The following DOP1B variants were observed in gnomAD, a reference collection of about 807,000 sequenced individuals.
DOP1B encodes the protein protein DOP1B.
Under a neutral mutation model 233.5 loss-of-function variants are expected in DOP1B, and 174 were observed. That is an observed-to-expected ratio of 0.75 (90% CI 0.66 to 0.85). The LOEUF is 0.85. Ranked by LOEUF, DOP1B falls within the 40% of genes least tolerant of loss-of-function variation. The probability of loss-of-function intolerance (pLI) is 0.00; values close to 1 mark genes in which losing one functional copy is unlikely to be tolerated. For synonymous variants in DOP1B, 1,190 were observed against 1,185.6 expected (o/e 1.00, Z -0.08); for missense variants, 2,652 against 2,846.6 (o/e 0.93, Z 1.56).
At chr21:36,167,739 C>G (rs1303461336) in intron 2 of DOP1B, among the ~76,000 whole-genome samples, 1 of 150,024 alleles carries the variant, frequency 6.7e-6, no homozygotes, top group African/African-American at 2.5e-5. Context: ...AACCACGAAT[C>G]TACTTTCCCT....
At chr21:36,166,623 C>G (rs948583568) in intron 2 of DOP1B, among the ~76,000 whole-genome samples, 1 of 152,150 alleles carries the variant, frequency 6.6e-6, no homozygotes, top group Non-Finnish European at 1.5e-5. Flanking sequence ...TAGATGATAT[C>G]TGGGCTTAGA....
At chr21:36,250,884 G>A (rs2298449) in intron 21 of DOP1B, among the ~76,000 whole-genome samples, 12,946 of 152,138 alleles carry the variant, frequency 0.085, 961 homozygotes, top group East Asian at 0.23. Flanking sequence ...GATGCTCCTG[G>A]CCAATCGAGC....
At chr21:36,161,293 C>T (rs1201353599) in intron 1 of DOP1B, among the ~76,000 whole-genome samples, 1 of 152,062 alleles carries the variant, frequency 6.6e-6, no homozygotes, top group African/African-American at 2.4e-5. Context: ...TTACAGCCAC[C>T]ATGCCCAGCT....
At chr21:36,225,360 G>C (rs2066670107) in intron 11 of DOP1B, among the ~76,000 whole-genome samples, 1 of 151,922 alleles carries the variant, frequency 6.6e-6, no homozygotes, top group South Asian at 2.1e-4. Flanking sequence ...CTCCCAAGTA[G>C]CTAGGACTAC....
At chr21:36,292,254 TTC>T (rs2067568269) in intron 36 of DOP1B, 21 bp downstream of exon 36, 2 of 1,514,138 alleles carry the variant, frequency 1.3e-6, no homozygotes, top group East Asian at 4.6e-5. Context: ...TTCTTTTCTT[TTC>T]TTTTTTTTTT....
chr21:36,270,531 C>T (rs566999908), intron 27 of DOP1B, among the ~76,000 whole-genome samples: 5 of 100,672 alleles, frequency 5.0e-5, no homozygotes, highest in East Asian at 5.9e-4. Flanking sequence ...CCAGCCCAGG[C>T]GACAAAGCAA....
At chr21:36,169,191 CAG>C in intron 2 of DOP1B, 1 of 1,039,932 alleles carries the variant, frequency 9.6e-7, no homozygotes, top group Non-Finnish European at 1.5e-6. Context: ...TTCAGCATAA[CAG>C]AGTTATTGGT....
At chr21:36,160,106 G>GC in intron 1 of DOP1B, among the ~76,000 whole-genome samples, 1 of 151,390 alleles carries the variant, frequency 6.6e-6, no homozygotes, top group East Asian at 1.9e-4. Context: ...GAGATGCTGG[G>GC]TTTCAGAACT....
chr21:36,190,803 A>G (rs573157890), intron 2 of DOP1B, among the ~76,000 whole-genome samples: 74 of 152,342 alleles, frequency 4.9e-4, no homozygotes, highest in African/African-American at 1.7e-3. Context: ...GTTTCTGGAT[A>G]GTGAAACTGT....
chr21:36,215,842 A>G (rs2123505027), intron 9 of DOP1B, among the ~76,000 whole-genome samples: 1 of 129,988 alleles, frequency 7.7e-6, no homozygotes, highest in South Asian at 2.7e-4. Flanking sequence ...GTGAAACCCC[A>G]TCTCTACTAA....
chr21:36,271,936 C>CTTT (rs34465846), intron 27 of DOP1B, among the ~76,000 whole-genome samples: 11 of 134,586 alleles, frequency 8.2e-5, no homozygotes, highest in African/African-American at 2.2e-4. Flanking sequence ...ACAAATGATC[C>CTTT]TTTTTTTTTT....
intron 23 of DOP1B, among the ~76,000 whole-genome samples, chr21:36,260,256 A>G (rs62232373): frequency 0.44 from 58,206 of 133,072 alleles, 12,018 homozygotes; most frequent in African/African-American, 0.46. Context: ...GGGAGGGAGG[A>G]AGGAAGGAAG....
At chr21:36,241,313 G>T (rs1225554006) in intron 18 of DOP1B, among the ~76,000 whole-genome samples, 1 of 151,400 alleles carries the variant, frequency 6.6e-6, no homozygotes, top group African/African-American at 2.4e-5. Context: ...AGAAAGAAAA[G>T]AAGAACAAGT....
chr21:36,271,684 TG>T lies in DOP1B; in HGVS notation c.5632+1528del, dbSNP rs141329671. Among the ~76,000 whole-genome samples, 21 of 152,190 alleles carry T rather than the reference TG, an allele frequency of 1.4e-4. No homozygotes were observed. The East Asian group carries it at 3.7e-3, about 27-fold the overall frequency. On this transcript the variant is annotated intron_variant, in intron 27 of 36. Transcript: ENST00000691173. ...GGACCCCTTAGCTGGTGTCCCACCA[TG>T]TGTATGCCATCCTGCTGACCTTCAC...
rs772867522 is a variant in DOP1B at position 36,164,695 on chromosome 21, G to T, written c.-26-13G>T. 3.0e-5 allele frequency: 46 copies of T among 1,523,688 alleles called. No homozygotes were observed. The highest frequency in any genetic ancestry group is 4.3e-5 in the African/African-American group (3 of 70,348). 94.4% of individuals were successfully genotyped at this position (1,523,688 alleles called of 1,614,324 possible). A position where few individuals can be genotyped will look rare whatever the true frequency, so the allele number is the denominator to read the frequency against. On this transcript the variant is annotated splice_polypyrimidine_tract_variant and intron_variant, in intron 1 of 36. Transcript: ENST00000691173. ...TGGCTCTCTCATTTGGTTATTTTTT[G>T]ATTTGCTTTTAGATACTTTTCTGCT...
At chr21:36,287,246 ATC>A (rs1269814943) in intron 32 of DOP1B, among the ~76,000 whole-genome samples, 3 of 152,152 alleles carry the variant, frequency 2.0e-5, no homozygotes, top group Non-Finnish European at 4.4e-5. Flanking sequence ...TACTCAGTAA[ATC>A]TGTTATATTT....
chr21:36,212,215 T>G, intron 7 of DOP1B, 118 bp downstream of exon 7: 1 of 1,220,256 alleles, frequency 8.2e-7, no homozygotes, highest in East Asian at 2.8e-5. Context: ...TATGGAAAGA[T>G]ACCACAATGA....
chr21:36,210,738 G>A (rs186738977), intron 5 of DOP1B, among the ~76,000 whole-genome samples: 3 of 152,188 alleles, frequency 2.0e-5, no homozygotes, highest in Non-Finnish European at 2.9e-5. Flanking sequence ...CTTGAACGCC[G>A]GTGGCAGAGG....
At position 36,200,416 on chromosome 21, in the gene DOP1B, C is replaced by T. The variant is rs2066348597; in HGVS notation, c.406C>T (p.Leu136=). 4 of 1,613,626 alleles carry T rather than the reference C, an allele frequency of 2.5e-6. No individual in the cohort carries two copies. The highest frequency in any genetic ancestry group is 3.3e-5 in the Admixed American group (2 of 60,020). ...CCTGTACGAGAAGTACTTCCTCCCA[C>T]TGCAGAAGCTGCTCCTGCCCAGTCT... The part of the protein sequence containing the change: ...LTLYEKYFLP[L]QKLLLPSLQA... Residue 136 remains leucine (L), a synonymous_variant, in exon 4 of 37, where the codon CTG becomes TTG. Coordinates refer to ENST00000691173, the MANE Select transcript of DOP1B (RefSeq NM_001320714.2).
Sources: allele counts gnomAD v4.1 joint callset (sites outside exome capture counted in the v4.1 genomes callset), GRCh38; gene constraint gnomAD v4.1.1; transcripts MANE v1.5; gene names NCBI Gene and HGNC (gene_info 2026-07-23, HGNC 2026-07-21).